The following DIXDC1 variants were observed in gnomAD, a reference collection of about 807,000 sequenced individuals.
DIXDC1 encodes the protein DIX domain containing 1.
Under a neutral mutation model 103.1 loss-of-function variants are expected in DIXDC1, and 64 were observed. The ratio of observed to expected loss-of-function variants is 0.62; its 90% CI spans 0.51 to 0.76. The LOEUF (loss-of-function observed/expected upper bound fraction) is 0.76. Ranked by LOEUF, DIXDC1 falls within the 30% of genes least tolerant of loss-of-function variation. DIXDC1 has a pLI of 0.00. For synonymous variants in DIXDC1, 266 were observed against 298.5 expected (o/e 0.89, Z 1.12); for missense variants, 759 against 834.2 (o/e 0.91, Z 1.11).
intron 1 of DIXDC1, among the ~76,000 whole-genome samples, chr11:111,939,477 C>T (rs1966344364): frequency 6.6e-6 from 1 of 152,162 alleles, no homozygotes; most frequent in South Asian, 2.1e-4. Flanking sequence ...TTTTCCTTCT[C>T]TGATATTTGA....
rs1468385441 is a variant in DIXDC1 at position 111,998,962 on chromosome 11, C to G, written c.1756+2816C>G. Among the ~76,000 whole-genome samples the G allele has an allele frequency of 2.0e-5, 3 of 152,212 alleles. No individual in the cohort carries two copies. The highest frequency in any genetic ancestry group is 7.2e-5 in the African/African-American group (3 of 41,458). On this transcript the variant is annotated intron_variant, in intron 17 of 19. Coordinates refer to ENST00000440460, the MANE Select transcript of DIXDC1 (RefSeq NM_001037954.4). The surrounding 1 kb of genome is among the most constrained non-coding windows in gnomAD (Gnocchi z 4.1). ...ATACAGAATATACAATCAAACAGAT[C>G]TAGGGTACAATTTGGGCTGCACCAT...
chr11:111,989,976 G>A (rs1860644336), intron 10 of DIXDC1, among the ~76,000 whole-genome samples: 1 of 150,350 alleles, frequency 6.7e-6, no homozygotes, highest in Non-Finnish European at 1.5e-5. Context: ...TTTTTTAGTA[G>A]AGACGGGGTT....
intron 1 of DIXDC1, among the ~76,000 whole-genome samples, chr11:111,942,136 A>G (rs1171271258): frequency 2.0e-5 from 3 of 152,104 alleles, no homozygotes; most frequent in Non-Finnish European, 4.4e-5. Flanking sequence ...ATCCTGCCTG[A>G]TTTCTCCTCT....
intron 17 of DIXDC1, chr11:111,996,463 C>T (rs184123273): frequency 1.1e-3 from 216 of 200,102 alleles, no homozygotes; most frequent in African/African-American, 4.9e-3. Context: ...CACATACATA[C>T]GTAAATTTTT....
chr11:111,975,407 G>A, intron 5 of DIXDC1: 1 of 1,033,302 alleles, frequency 9.7e-7, no homozygotes, highest in Non-Finnish European at 1.2e-6. Context: ...AAATTGAGCA[G>A]AGTTGTCTTA....
intron 1 of DIXDC1, among the ~76,000 whole-genome samples, chr11:111,948,080 ACT>A (rs2137462203): frequency 6.6e-6 from 1 of 152,182 alleles, no homozygotes; most frequent in African/African-American, 2.4e-5. Context: ...AGTCTCTAAC[ACT>A]CTCTAGACAG....
In DIXDC1 at chr11:112,019,193, C is replaced by T. The variant is rs968448112; in HGVS notation, c.*157C>T. On this transcript the variant is annotated 3_prime_UTR_variant, in exon 20 of 20. Coordinates refer to ENST00000440460, the MANE Select transcript of DIXDC1 (RefSeq NM_001037954.4). ...TGATGGCCACAGGTCAGTCCTCTTT[C>T]TGTGCCTGGCATATCTGGTACTTAA... is the stretch of plus-strand genomic sequence containing the variant. The T allele has an allele frequency of 1.8e-6, 1 of 561,122 alleles. No homozygotes were observed. The allele number at this position is 561,122 out of a possible 1,614,324, so 34.8% of individuals were successfully genotyped here. A position where few individuals can be genotyped will look rare whatever the true frequency, so the allele number is the denominator to read the frequency against.
At chr11:111,952,669 A>G (rs1343674605) in intron 1 of DIXDC1, among the ~76,000 whole-genome samples, 3 of 152,124 alleles carry the variant, frequency 2.0e-5, no homozygotes, top group Non-Finnish European at 4.4e-5. Context: ...AAAAATACAA[A>G]GTTAGCCGGC....
Position 111,998,052 on chromosome 11 carries a change from C to T in DIXDC1, c.1756+1906C>T, listed in dbSNP as rs988519474. 6.6e-6 allele frequency among the ~76,000 whole-genome samples: 1 copy of T among 152,208 alleles called. No homozygotes were observed. Among genetic ancestry groups the T allele is most frequent in the East Asian group, 1.9e-4 (1 of 5,200 alleles). ...ATCTGTTACTTTGCTTAGTGTTCTT[C>T]TTGTTGGGTCTCTGTTGACTTTCTT... On this transcript the variant is annotated intron_variant, in intron 17 of 19. Transcript: ENST00000440460. The surrounding 1 kb of genome is among the most constrained non-coding windows in gnomAD (Gnocchi z 4.1).
chr11:111,954,094 T>C (rs1024726822), intron 1 of DIXDC1, among the ~76,000 whole-genome samples: 1 of 152,176 alleles, frequency 6.6e-6, no homozygotes. Flanking sequence ...ACATTTATTG[T>C]GCACTTTATT....
chr11:111,967,101 C>T (rs73560089), intron 2 of DIXDC1, among the ~76,000 whole-genome samples: 12,391 of 151,902 alleles, frequency 0.082, 1,496 homozygotes, highest in African/African-American at 0.26. Flanking sequence ...CCTCTAATCC[C>T]GGAGTGCTGC....
intron 17 of DIXDC1, among the ~76,000 whole-genome samples, chr11:112,004,978 C>T (rs1555176441): frequency 6.6e-6 from 1 of 152,056 alleles, no homozygotes; most frequent in Non-Finnish European, 1.5e-5. Context: ...ATGAGGCATC[C>T]ACAAGAGCAA....
At chr11:111,988,468 AT>A (rs1860575758) in intron 9 of DIXDC1, among the ~76,000 whole-genome samples, 1 of 152,160 alleles carries the variant, frequency 6.6e-6, no homozygotes, top group Non-Finnish European at 1.5e-5. Flanking sequence ...GTATACATAT[AT>A]TTTATCTATT....
chr11:111,930,831 T>TCTTC (rs1965986248), intron 2 of DIXDC1, among the ~76,000 whole-genome samples: 1 of 137,006 alleles, frequency 7.3e-6, no homozygotes, highest in African/African-American at 3.3e-5. Context: ...GACCCTCCTT[T>TCTTC]CTTTCTTTCT....
rs897886915 is a variant in DIXDC1, at chr11:111,966,091, A to G, written c.190+1413A>G. Among the ~76,000 whole-genome samples, 9 of 151,754 alleles carry G rather than the reference A, an allele frequency of 5.9e-5. No homozygotes were observed. The South Asian group carries it at 1.9e-3, about 31-fold the overall frequency. On this transcript the variant is annotated intron_variant, in intron 2 of 19. Coordinates refer to ENST00000440460, the MANE Select transcript of DIXDC1 (RefSeq NM_001037954.4). Reference sequence around the variant, plus strand: ...GCAGCTAGTGTTAGCAGTTTCTTGCATTTCTTCCCAGAGAAACTTCCCATT... The same window carrying G: ...GCAGCTAGTGTTAGCAGTTTCTTGCGTTTCTTCCCAGAGAAACTTCCCATT...
chr11:111,937,139 G>T (rs782471069), upstream of DIXDC1: 4 of 745,908 alleles, frequency 5.4e-6, no homozygotes, highest in Non-Finnish European at 6.5e-6. Context: ...GGCGGGGGGG[G>T]GGTGTGCGCG....
intron 5 of DIXDC1, chr11:111,975,539 CAG>C: frequency 9.1e-6 from 9 of 987,792 alleles, no homozygotes; most frequent in Non-Finnish European, 1.1e-5. Context: ...GAGCCAAGTA[CAG>C]AGACCAAAAC....
chr11:111,947,769 A>C (rs1342229217), intron 1 of DIXDC1, among the ~76,000 whole-genome samples: 25 of 152,258 alleles, frequency 1.6e-4, no homozygotes, highest in Admixed American at 1.6e-3. Flanking sequence ...GATTCACGTC[A>C]GCATGCAAAC....
At chr11:111,939,318 C>T (rs1555168595) in intron 1 of DIXDC1, among the ~76,000 whole-genome samples, 1 of 152,220 alleles carries the variant, frequency 6.6e-6, no homozygotes, top group Non-Finnish European at 1.5e-5. Flanking sequence ...TAAATATCCC[C>T]TGACCTCCAA....
Sources: allele counts gnomAD v4.1 joint callset (sites outside exome capture counted in the v4.1 genomes callset), GRCh38; gene constraint gnomAD v4.1.1; non-coding constraint Gnocchi (gnomAD v3.1); transcripts MANE v1.5; gene names NCBI Gene and HGNC (gene_info 2026-07-23, HGNC 2026-07-21).